The following RNF10 variants were observed in gnomAD, a reference collection of about 807,000 sequenced individuals.
The protein encoded by RNF10 is E3 ubiquitin-protein ligase RNF10.
In RNF10, 38 loss-of-function variants were observed where a neutral mutation model predicts 91.4. That is an observed-to-expected ratio of 0.42 (90% CI 0.32 to 0.54). The LOEUF (loss-of-function observed/expected upper bound fraction) is 0.54. Ranked by LOEUF, RNF10 falls within the 20% of genes least tolerant of loss-of-function variation. The probability of loss-of-function intolerance (pLI) is 0.16; values close to 1 mark genes in which losing one functional copy is unlikely to be tolerated. For synonymous variants in RNF10, 364 were observed against 366.3 expected (o/e 0.99, Z 0.07); for missense variants, 945 against 1,012.0 (o/e 0.93, Z 0.90).
intron 13 of RNF10, among the ~76,000 whole-genome samples, chr12:120,569,932 G>A (rs1001581012): frequency 6.6e-6 from 1 of 151,996 alleles, no homozygotes; most frequent in Non-Finnish European, 1.5e-5. Context: ...TCTCTCTGTC[G>A]CCCGGGCTGG....
Position 120,563,529 on chromosome 12 carries a change from G to A in RNF10, c.1437G>A (p.Glu479=), listed in dbSNP as rs1255458486. The change falls in exon 9 of 17, where the codon GAG becomes GAA. Residue 479 remains glutamate, a synonymous_variant. Coordinates refer to ENST00000325954, the MANE Select transcript of RNF10 (RefSeq NM_014868.5). ...DLELADDNLK[E]GTICTESSQQ... ...AGTTAGCAGATGACAATCTTAAAGA[G>A]GGGACCATTTGCACTGAGTCCAGCC... The A allele has an allele frequency of 4.3e-6, 7 of 1,614,142 alleles. No homozygotes were observed. The highest frequency in any genetic ancestry group is 5.9e-6 in the Non-Finnish European group (7 of 1,180,030).
intron 2 of RNF10, among the ~76,000 whole-genome samples, chr12:120,548,516 G>A (rs899351688): frequency 1.3e-5 from 2 of 152,116 alleles, no homozygotes; most frequent in Non-Finnish European, 2.9e-5. Flanking sequence ...ATTTGAAAAT[G>A]GCATGTAGAT....
Position 120,576,761 on chromosome 12 carries a change from G to T in RNF10, c.*95G>T, listed in dbSNP as rs1877451059. On this transcript the variant is annotated 3_prime_UTR_variant, in exon 17 of 17. Transcript: ENST00000325954. ...TGGCTGCTGTAATTTTTAAGTATTT[G>T]AGTTTGAACAGATTAGCTCTGGGGG... The T allele has an allele frequency of 6.5e-7, 1 of 1,544,350 alleles. No individual in the cohort carries two copies. Among genetic ancestry groups the T allele is most frequent in the Admixed American group, 2.0e-5 (1 of 50,186 alleles).
chr12:120,541,559 C>A (rs747988858), intron 1 of RNF10, among the ~76,000 whole-genome samples: 1 of 147,746 alleles, frequency 6.8e-6, no homozygotes, highest in Non-Finnish European at 1.5e-5. Flanking sequence ...CTCAGCCTCC[C>A]GAGCAGCTGG....
At chr12:120,565,227 GTTCAGGGA>G in intron 11 of RNF10, 38 bp downstream of exon 11, 3 of 1,429,202 alleles carry the variant, frequency 2.1e-6, no homozygotes, top group Non-Finnish European at 3.0e-6. Flanking sequence ...TTATAGTAGG[GTTCAGGGA>G]TTCTTGTGGC....
chr12:120,563,159 A>T, intron 8 of RNF10, 89 bp downstream of exon 8: 1 of 1,574,766 alleles, frequency 6.4e-7, no homozygotes, highest in Non-Finnish European at 8.7e-7. Flanking sequence ...AAACCTTCTC[A>T]AGAGAAGAGG....
chr12:120,562,571 G>A (rs1317267026), intron 7 of RNF10, among the ~76,000 whole-genome samples: 4 of 152,184 alleles, frequency 2.6e-5, no homozygotes, highest in African/African-American at 9.6e-5. Context: ...ACCACACCTG[G>A]CCGTATGTGT....
intron 11 of RNF10, 118 bp from the exon 12 acceptor site, chr12:120,565,310 T>C: frequency 8.8e-7 from 1 of 1,135,752 alleles, no homozygotes; most frequent in Non-Finnish European, 1.3e-6. Context: ...TCCTAAACAC[T>C]TCATCTGTTC....
chr12:120,571,364 C>T, intron 14 of RNF10, 73 bp downstream of exon 14: 2 of 1,081,746 alleles, frequency 1.8e-6, no homozygotes, highest in South Asian at 1.3e-5. Context: ...ATGGGAACCT[C>T]CTCCAGGGAT....
intron 3 of RNF10, 73 bp from the exon 4 acceptor site, chr12:120,554,645 G>C: frequency 8.4e-7 from 1 of 1,189,140 alleles, no homozygotes; most frequent in South Asian, 1.2e-5. Flanking sequence ...TAAGTGAATA[G>C]ATGACAATTT....
intron 2 of RNF10, among the ~76,000 whole-genome samples, chr12:120,549,865 A>G (rs1001033781): frequency 2.0e-4 from 31 of 152,326 alleles, no homozygotes; most frequent in African/African-American, 7.5e-4. Flanking sequence ...TCTAAGCCAA[A>G]TCTGAGGGGT....
rs778678856 is a variant in RNF10 at position 120,575,854 on chromosome 12, C to T, written c.2263C>T (p.Arg755Cys). The change falls in exon 16 of 17, where the codon CGT becomes TGT. Residue 755 changes from arginine to cysteine, a missense_variant. Arg to Cys is a radical substitution (Grantham distance 180). Transcript: ENST00000325954. ...CGACGGGGAGAGTGATAATTCAGAC[C>T]GTGTTCCTGTGCCCAGTTTTCAAAA... ...DSDGESDNSD[R>C]VPVPSFQNSF... The T allele has an allele frequency of 9.3e-6, 15 of 1,614,118 alleles. No homozygotes were observed. The highest frequency in any genetic ancestry group is 1.2e-5 in the Non-Finnish European group (14 of 1,179,994).
intron 6 of RNF10, among the ~76,000 whole-genome samples, chr12:120,558,737 T>C (rs1451523760): frequency 6.6e-6 from 1 of 150,990 alleles, no homozygotes. Context: ...CCTGGCTGAT[T>C]TTTTTTGTAT....
At chr12:120,535,019 G>C (rs1254286220) in intron 1 of RNF10, 51 bp downstream of exon 1, 1 of 1,521,342 alleles carries the variant, frequency 6.6e-7, no homozygotes, top group African/African-American at 1.4e-5. Flanking sequence ...CTGCTGCTGG[G>C]GAGAGTCGTT....
Position 120,575,936 on chromosome 12 carries a change from C to A in RNF10, c.2345C>A (p.Ser782Ter). The A allele has an allele frequency of 6.2e-7, 1 of 1,613,788 alleles. No homozygotes were observed. The highest frequency in any genetic ancestry group is 8.5e-7 in the Non-Finnish European group (1 of 1,180,040). The change falls in exon 16 of 17, where the codon TCA becomes TAA. Residue 782 changes from serine (S) to a stop codon, truncating the protein, a stop_gained. Transcript: ENST00000325954. LOFTEE classifies it high-confidence loss of function. The part of the protein sequence containing the change: ...AFMKLDTPAT[S>*]DPLSEEKGGK... ...ATGAAACTGGACACACCAGCTACTT[C>A]AGATCCCCTCTCTGGTAAGGGCAGA...
chr12:120,565,434 T>C lies in RNF10; in HGVS notation c.1790T>C (p.Ile597Thr), dbSNP rs1875550790. The change falls in exon 12 of 17, where the codon ATT (isoleucine) becomes ACT (threonine). Residue 597 changes from isoleucine (I) to threonine (T), a missense_variant. By Grantham distance (89) the Ile-to-Thr change is moderately conservative. Coordinates refer to ENST00000325954, the MANE Select transcript of RNF10 (RefSeq NM_014868.5). ...CAACCTGACCAATCTGCAGATGACA[T>C]TGAGAAGAGGAAACGTCAGCGCCAA... The part of the protein sequence containing the change: ...KETLEMFSDD[I>T]EKRKRQRQKK... The C allele has an allele frequency of 1.9e-6, 3 of 1,613,942 alleles. 1 individual carries two copies.
intron 7 of RNF10, among the ~76,000 whole-genome samples, 185 bp downstream of exon 7, chr12:120,561,071 CTTTG>C (rs1329718515): frequency 1.3e-5 from 2 of 152,146 alleles, no homozygotes; most frequent in African/African-American, 2.4e-5. Flanking sequence ...TTGTTTTGGG[CTTTG>C]TTTGATGACA....
At chr12:120,540,854 CTT>C (rs34034209) in intron 1 of RNF10, among the ~76,000 whole-genome samples, 33,347 of 137,500 alleles carry the variant, frequency 0.24, 4,545 homozygotes, top group African/African-American at 0.41. Context: ...AGTTTACTTT[CTT>C]TTTTTTTTTT....
At chr12:120,535,721 A>G (rs1870676938) in intron 1 of RNF10, among the ~76,000 whole-genome samples, 1 of 152,224 alleles carries the variant, frequency 6.6e-6, no homozygotes, top group Admixed American at 6.5e-5. Flanking sequence ...ATTGTCCTTT[A>G]ACAGGGAAGG....
Sources: gnomAD v4.1 joint callset for allele counts (sites outside exome capture counted in the v4.1 genomes callset) on GRCh38, gnomAD v4.1.1 for gene constraint, MANE v1.5 for transcripts, NCBI Gene and HGNC (gene_info 2026-07-23, HGNC 2026-07-21) for gene names.